The following DPP6 variants were observed in gnomAD, a reference collection of about 807,000 sequenced individuals.
DPP6 encodes dipeptidyl peptidase like 6, also known as A-type potassium channel modulatory protein DPP6.
DPP6 carries 69 observed loss-of-function variants against 122.6 expected under a neutral mutation model. That is an observed-to-expected ratio of 0.56 (90% confidence interval 0.46 to 0.69). DPP6 has a LOEUF of 0.69. Among genes scored for constraint, DPP6 ranks in the 30% least tolerant of loss-of-function variants. The probability of loss-of-function intolerance (pLI) is 0.00; values close to 1 mark genes in which losing one functional copy is unlikely to be tolerated. For missense variants in DPP6, 928 were observed against 1,116.9 expected, an observed-to-expected ratio of 0.83 and a Z score of 2.41; for synonymous variants, 418 against 433.1, an observed-to-expected ratio of 0.97 and a Z score of 0.43.
the DPP6 span, among the ~76,000 whole-genome samples, chr7:153,877,318 A>G: frequency 6.6e-6 from 1 of 152,116 alleles, no homozygotes; most frequent in Non-Finnish European, 1.5e-5. Context: ...ATCTATTTTC[A>G]AATTTCTTAT....
chr7:153,787,507 C>G, the DPP6 span, among the ~76,000 whole-genome samples: 114,699 of 122,494 alleles, frequency 0.94, 54,116 homozygotes, highest in African/African-American at 0.97. Flanking sequence ...ATGCCTAGCT[C>G]TAATCCCAGC....
At chr7:154,365,827 G>T (rs928117389) in intron 1 of DPP6, among the ~76,000 whole-genome samples, 2 of 152,058 alleles carry the variant, frequency 1.3e-5, no homozygotes, top group Non-Finnish European at 2.9e-5. Flanking sequence ...ACGTGGTGGC[G>T]GACGCCTGTA....
intron 8 of DPP6, among the ~76,000 whole-genome samples, chr7:154,752,418 T>C (rs1843439861): frequency 6.6e-6 from 1 of 151,896 alleles, no homozygotes. Context: ...CAAGATAGAG[T>C]TGGTTTTAAA....
chr7:154,753,585 G>A (rs1281148915), intron 8 of DPP6, among the ~76,000 whole-genome samples: 1 of 152,186 alleles, frequency 6.6e-6, no homozygotes, highest in Non-Finnish European at 1.5e-5. Flanking sequence ...TGGGTGTGGG[G>A]CAGGATGAAG....
At chr7:154,097,124 G>A (rs142099066) in intron 1 of DPP6, among the ~76,000 whole-genome samples, 28,027 of 151,522 alleles carry the variant, frequency 0.18, 2,622 homozygotes, top group Admixed American at 0.29. Flanking sequence ...TAGCAGTCTC[G>A]TCAGTTTTTC....
At chr7:154,252,810 C>T (rs1175683586) in intron 1 of DPP6, among the ~76,000 whole-genome samples, 1 of 152,240 alleles carries the variant, frequency 6.6e-6, no homozygotes, top group Non-Finnish European at 1.5e-5. Flanking sequence ...ACAGCAACTA[C>T]TGTCAAAATT....
chr7:154,377,495 G>T (rs1002793642), intron 1 of DPP6, among the ~76,000 whole-genome samples: 1 of 152,202 alleles, frequency 6.6e-6, no homozygotes, highest in East Asian at 1.9e-4. Context: ...ATGTTGAATT[G>T]TAATCCCTAG....
intron 10 of DPP6, 118 bp from the exon 11 acceptor site, chr7:154,793,961 C>T: frequency 6.9e-7 from 1 of 1,443,798 alleles, no homozygotes; most frequent in Non-Finnish European, 9.2e-7. Flanking sequence ...CTGGCTGTGT[C>T]ACCACTGGCT....
intron 1 of DPP6, among the ~76,000 whole-genome samples, chr7:154,321,812 G>A (rs1807990825): frequency 6.8e-6 from 1 of 147,642 alleles, no homozygotes; most frequent in Non-Finnish European, 1.5e-5. Context: ...AAAAGAGGAA[G>A]AAATTGAACA....
chr7:154,803,202 T>C (rs1057249601), intron 13 of DPP6, among the ~76,000 whole-genome samples: 1 of 152,228 alleles, frequency 6.6e-6, no homozygotes, highest in East Asian at 1.9e-4. Flanking sequence ...CCAGGGCATC[T>C]GCCTTCCAGA....
chr7:154,856,090 CTATAAT>C lies in DPP6; in HGVS notation c.1714+2267_1714+2272del, dbSNP rs575844256. Among the ~76,000 whole-genome samples, 316 of 152,272 alleles carry C rather than the reference CTATAAT, an allele frequency of 2.1e-3. 4 individuals are homozygous for C. Among genetic ancestry groups the C allele is most frequent in the Middle Eastern group, 0.017 (5 of 294 alleles). Reference sequence around the variant, plus strand: ...ACTATTTGTGCAACTTCCTAGGAATCTATAATTATTTCAAATTTAAAAGTTTTTTCT... The same window carrying C: ...ACTATTTGTGCAACTTCCTAGGAATCTATTTCAAATTTAAAAGTTTTTTCT... On this transcript the variant is annotated intron_variant, in intron 17 of 25. Coordinates refer to ENST00000377770, the MANE Select transcript of DPP6 (RefSeq NM_130797.4).
In DPP6 at chr7:154,548,438, G is replaced by A. The variant is rs560106673; in HGVS notation, c.552+7812G>A. Reference sequence around the variant, plus strand: ...AGCTACTCGGGAGGCTGAGGCAGACGAATCGCTTGAACCCAGGAGGCAGAG... The same window carrying A: ...AGCTACTCGGGAGGCTGAGGCAGACAAATCGCTTGAACCCAGGAGGCAGAG... On this transcript the variant is annotated intron_variant, in intron 4 of 25. Coordinates refer to ENST00000377770, the MANE Select transcript of DPP6 (RefSeq NM_130797.4). Among the ~76,000 whole-genome samples, 307 of 149,898 alleles carry A rather than the reference G, an allele frequency of 2.0e-3. 1 individual carries two copies. Among genetic ancestry groups the A allele is most frequent in the African/African-American group, 7.1e-3 (287 of 40,602 alleles).
At chr7:154,748,857 G>A (rs374570904) in intron 8 of DPP6, among the ~76,000 whole-genome samples, 1 of 152,222 alleles carries the variant, frequency 6.6e-6, no homozygotes, top group African/African-American at 2.4e-5. Flanking sequence ...TAGGGAGGGT[G>A]GAGGCCCAGT....
intron 3 of DPP6, among the ~76,000 whole-genome samples, chr7:154,484,656 G>C (rs1008963652): frequency 6.6e-6 from 1 of 152,226 alleles, no homozygotes; most frequent in Non-Finnish European, 1.5e-5. Context: ...GTCTGAATAT[G>C]GTGATAGACC....
In DPP6 at chr7:154,061,992, T is replaced by C. The variant is rs1290682956; in HGVS notation, c.243+8929T>C. 5.1e-5 allele frequency among the ~76,000 whole-genome samples: 6 copies of C among 117,552 alleles called. 1 individual carries two copies. The highest frequency in any genetic ancestry group is 5.2e-4 in the East Asian group (2 of 3,856). 77.1% of individuals were successfully genotyped at this position (117,552 alleles called of 152,430 possible). ...TGAGAGCTATCCCCTCTTCCGCCCC[T>C]GGCTGTTGGTACCCCCATCGCAGGG... On this transcript the variant is annotated intron_variant, in intron 1 of 25. Transcript: ENST00000377770.
intron 5 of DPP6, among the ~76,000 whole-genome samples, chr7:154,617,904 G>A (rs1834370247): frequency 6.6e-6 from 1 of 152,004 alleles, no homozygotes; most frequent in South Asian, 2.1e-4. Context: ...TTTTTTTCAT[G>A]GGAAAGAAAA....
intron 5 of DPP6, chr7:154,588,230 A>C: frequency 7.2e-7 from 1 of 1,384,144 alleles, no homozygotes; most frequent in Non-Finnish European, 9.6e-7. Flanking sequence ...GGAGGGAGGG[A>C]GGGACCCTCC....
At chr7:153,858,302 A>C in the DPP6 span, among the ~76,000 whole-genome samples, 1 of 152,170 alleles carries the variant, frequency 6.6e-6, no homozygotes, top group African/African-American at 2.4e-5. Flanking sequence ...CAAGTTTCTT[A>C]TTCCCTGATT....
At chr7:153,968,412 TTTGC>T (rs1475106658) in intron 1 of DPP6, among the ~76,000 whole-genome samples, 2 of 152,162 alleles carry the variant, frequency 1.3e-5, no homozygotes, top group African/African-American at 4.8e-5. Flanking sequence ...TTATTTGCTT[TTTGC>T]TTGTTTATTT....
Sources: gnomAD v4.1 joint callset for allele counts (sites outside exome capture counted in the v4.1 genomes callset) on GRCh38, gnomAD v4.1.1 for gene constraint, MANE v1.5 for transcripts, NCBI Gene and HGNC (gene_info 2026-07-23, HGNC 2026-07-21) for gene names.